The following AGAP1 variants were observed in gnomAD, a reference collection of about 807,000 sequenced individuals.
AGAP1 encodes arf-GAP with GTPase, ANK repeat and PH domain-containing protein 1.
In AGAP1, 29 loss-of-function variants were observed where a neutral mutation model predicts 105.3. That is an observed-to-expected ratio of 0.28 (90% CI 0.21 to 0.38). The LOEUF (loss-of-function observed/expected upper bound fraction) is 0.38. Among genes scored for constraint, AGAP1 ranks in the 10% least tolerant of loss-of-function variants. The pLI, the probability that AGAP1 is intolerant of heterozygous loss-of-function variation, is 1.00. For synonymous variants in AGAP1, 509 were observed against 485.9 expected (o/e 1.05, Z -0.63); for missense variants, 998 against 1,165.1 (o/e 0.86, Z 2.09).
Position 236,001,936 on chromosome 2 carries a change from C to T in AGAP1, c.1645+33313C>T, listed in dbSNP as rs922949905. ...ACATCATTGCACATACATTCTGAAG[C>T]GCTCACGCTTTGTTCCTGTGGACAT... On this transcript the variant is annotated intron_variant, in intron 13 of 17. Coordinates refer to ENST00000304032, the MANE Select transcript of AGAP1 (RefSeq NM_001037131.3). The surrounding 1 kb of genome is among the most constrained non-coding windows in gnomAD (Gnocchi z 4.7). Among the ~76,000 whole-genome samples the T allele has an allele frequency of 2.0e-5, 3 of 152,160 alleles. No homozygotes were observed. The highest frequency in any genetic ancestry group is 2.4e-5 in the African/African-American group (1 of 41,442).
intron 16 of AGAP1, among the ~76,000 whole-genome samples, chr2:236,107,166 A>G (rs2059519151): frequency 7.5e-6 from 1 of 133,206 alleles, no homozygotes; most frequent in Non-Finnish European, 1.6e-5. Flanking sequence ...CAGAGGCAGC[A>G]GGCCTTGAAT....
chr2:235,508,274 C>A (rs1000603664), intron 1 of AGAP1, among the ~76,000 whole-genome samples: 1 of 152,114 alleles, frequency 6.6e-6, no homozygotes, highest in Non-Finnish European at 1.5e-5. Context: ...TATATAGACA[C>A]AATAGAACAA....
intron 6 of AGAP1, among the ~76,000 whole-genome samples, chr2:235,797,553 A>G (rs76989005): frequency 0.032 from 4,598 of 144,566 alleles, 224 homozygotes; most frequent in African/African-American, 0.11. Flanking sequence ...GGCCATGTTC[A>G]GCTGATGCGG....
chr2:235,663,430 A>G lies in AGAP1; in HGVS notation c.164-45749A>G, dbSNP rs1263427022. Reference sequence around the variant, plus strand: ...TTTTCTACATTTAGAGGAAAAATATACATCAAATATTCAAGTCCCCTGGGC... The same window carrying G: ...TTTTCTACATTTAGAGGAAAAATATGCATCAAATATTCAAGTCCCCTGGGC... On this transcript the variant is annotated intron_variant, in intron 1 of 17. Transcript: ENST00000304032. The surrounding 1 kb of genome is among the most constrained non-coding windows in gnomAD (Gnocchi z 5.4). Among the ~76,000 whole-genome samples the G allele has an allele frequency of 2.0e-5, 3 of 152,224 alleles. No individual in the cohort carries two copies. The highest frequency in any genetic ancestry group is 7.2e-5 in the African/African-American group (3 of 41,448).
At chr2:235,795,406 TGGG>T (rs1214510335) in intron 6 of AGAP1, among the ~76,000 whole-genome samples, 1 of 152,188 alleles carries the variant, frequency 6.6e-6, no homozygotes, top group Non-Finnish European at 1.5e-5. Flanking sequence ...ATTTTCAAGA[TGGG>T]GGAGACATGG....
At chr2:235,868,404 G>A (rs1037262340) in intron 9 of AGAP1, among the ~76,000 whole-genome samples, 2 of 152,130 alleles carry the variant, frequency 1.3e-5, no homozygotes, top group South Asian at 4.2e-4. Flanking sequence ...TGTTAAAGCC[G>A]ATGAGGAATG....
At chr2:235,974,474 C>T (rs188069455) in intron 13 of AGAP1, among the ~76,000 whole-genome samples, 19 of 152,214 alleles carry the variant, frequency 1.2e-4, no homozygotes, top group Non-Finnish European at 2.2e-4. Context: ...TGTTATCCCC[C>T]CCTTGGGTTC....
At chr2:235,558,819 G>A (rs564071877) in intron 1 of AGAP1, among the ~76,000 whole-genome samples, 13 of 152,318 alleles carry the variant, frequency 8.5e-5, no homozygotes, top group Non-Finnish European at 1.0e-4. Context: ...CCAAGGTACT[G>A]TGGGTAGAAG....
In AGAP1 at chr2:236,002,528, C is replaced by T. The variant is rs571684253; in HGVS notation, c.1645+33905C>T. Among the ~76,000 whole-genome samples the T allele has an allele frequency of 2.9e-4, 44 of 152,300 alleles. No individual in the cohort carries two copies. The highest frequency in any genetic ancestry group is 4.6e-4 in the Non-Finnish European group (31 of 68,036). On this transcript the variant is annotated intron_variant, in intron 13 of 17. Transcript: ENST00000304032. This position sits in a 1 kb window ranked among gnomAD's most constrained non-coding sequence, Gnocchi z 4.3. ...ATGTTAACAAGTAATGTTGCTCCCT[C>T]TCATGAGGGGGTCACTGGCTGCCCT... is the stretch of plus-strand genomic sequence containing the variant.
At position 236,105,818 on chromosome 2, in the gene AGAP1, C is replaced by G. The variant is rs1264083629; in HGVS notation, c.2115-14374C>G. Among the ~76,000 whole-genome samples, 1 of 152,092 alleles carries G rather than the reference C, an allele frequency of 6.6e-6. No individual in the cohort carries two copies. Among genetic ancestry groups the G allele is most frequent in the African/African-American group, 2.4e-5 (1 of 41,452 alleles). ...TTCACCATGTTAGCCAGGGTGGTCT[C>G]GATCTCCTGACCTCATGATCCACCC... On this transcript the variant is annotated intron_variant, in intron 16 of 17. Transcript: ENST00000304032. The surrounding 1 kb of genome is among the most constrained non-coding windows in gnomAD (Gnocchi z 4.2).
At chr2:235,853,220 G>A (rs2048553363) in intron 9 of AGAP1, 1 of 1,023,836 alleles carries the variant, frequency 9.8e-7, no homozygotes, top group South Asian at 4.6e-5. Flanking sequence ...TGTCTTGACT[G>A]CGTTTTATAG....
intron 12 of AGAP1, among the ~76,000 whole-genome samples, chr2:235,944,401 A>T (rs2125230700): frequency 6.6e-6 from 1 of 152,374 alleles, no homozygotes; most frequent in East Asian, 1.9e-4. Context: ...GTAGATAAAT[A>T]GTCCTTTGCT....
rs1193955172 is a variant in AGAP1 at position 235,682,964 on chromosome 2, T to C, written c.164-26215T>C. Among the ~76,000 whole-genome samples, 7 of 152,250 alleles carry C rather than the reference T, an allele frequency of 4.6e-5. No individual in the cohort carries two copies. The East Asian group carries it at 1.4e-3, about 29-fold the overall frequency. ...CTACCCTGCCATGGTTCTGTGTCTA[T>C]GGGAAATCTTATTCTCCTGGAAAAC... On this transcript the variant is annotated intron_variant, in intron 1 of 17. Transcript: ENST00000304032.
chr2:235,760,023 A>G (rs553207566), intron 6 of AGAP1, among the ~76,000 whole-genome samples: 1 of 152,204 alleles, frequency 6.6e-6, no homozygotes, highest in South Asian at 2.1e-4. Context: ...TGTTTTACTG[A>G]TGAGAGAAGC....
At chr2:235,763,350 G>C (rs1483965646) in intron 6 of AGAP1, among the ~76,000 whole-genome samples, 1 of 151,950 alleles carries the variant, frequency 6.6e-6, no homozygotes, top group Non-Finnish European at 1.5e-5. Flanking sequence ...TTGGACAAGA[G>C]ATCCGCGACC....
intron 1 of AGAP1, among the ~76,000 whole-genome samples, chr2:235,617,603 G>A (rs1946347470): frequency 1.3e-5 from 2 of 152,112 alleles, no homozygotes; most frequent in African/African-American, 4.8e-5. Flanking sequence ...TCAGGAGGCC[G>A]AGGCAGGAGA....
At position 235,633,393 on chromosome 2, in the gene AGAP1, A is replaced by G. The variant is rs965458090; in HGVS notation, c.164-75786A>G. ...TGGATCACCTGAGGTCAGGAGTTCA[A>G]GACCAGTCTGGTCAACATGGTGAAA... On this transcript the variant is annotated intron_variant, in intron 1 of 17. Transcript: ENST00000304032. This position sits in a 1 kb window ranked among gnomAD's most constrained non-coding sequence, Gnocchi z 4.8. Among the ~76,000 whole-genome samples the G allele has an allele frequency of 2.0e-5, 3 of 152,136 alleles. No homozygotes were observed. The highest frequency in any genetic ancestry group is 7.2e-5 in the African/African-American group (3 of 41,428).
chr2:235,723,891 G>A lies in AGAP1; in HGVS notation c.310+6247G>A, dbSNP rs1004251109. Among the ~76,000 whole-genome samples, 3 of 152,198 alleles carry A rather than the reference G, an allele frequency of 2.0e-5. No individual in the cohort carries two copies. Among genetic ancestry groups the A allele is most frequent in the Middle Eastern group, 3.4e-3 (1 of 292 alleles). On this transcript the variant is annotated intron_variant, in intron 3 of 17. Coordinates refer to ENST00000304032, the MANE Select transcript of AGAP1 (RefSeq NM_001037131.3). The surrounding 1 kb of genome is among the most constrained non-coding windows in gnomAD (Gnocchi z 6.2). Reference sequence around the variant, plus strand: ...GAGGAAGGTGGGCCATCTGAGAGCCGCCTTTATCCCAGATCTGGAAGAAAC... The same window carrying A: ...GAGGAAGGTGGGCCATCTGAGAGCCACCTTTATCCCAGATCTGGAAGAAAC...
At chr2:235,713,338 C>T (rs1176983953) in intron 2 of AGAP1, among the ~76,000 whole-genome samples, 3 of 152,162 alleles carry the variant, frequency 2.0e-5, no homozygotes, top group Non-Finnish European at 4.4e-5. Context: ...AGATGTACGT[C>T]GGATTAGGAG....
Sources: allele counts gnomAD v4.1 joint callset (sites outside exome capture counted in the v4.1 genomes callset), GRCh38; gene constraint gnomAD v4.1.1; non-coding constraint Gnocchi (gnomAD v3.1); transcripts MANE v1.5; gene names NCBI Gene and HGNC (gene_info 2026-07-23, HGNC 2026-07-21).